The following SMARCAL1 variants were observed in gnomAD, a reference collection of about 807,000 sequenced individuals.
SMARCAL1 encodes the protein SNF2 related chromatin remodeling annealing helicase 1, also known as ATP-driven annealing helicase.
A neutral mutation model predicts 94.5 loss-of-function variants in SMARCAL1; 58 were observed. The ratio of observed to expected loss-of-function variants is 0.61; its 90% CI spans 0.50 to 0.76. The LOEUF (loss-of-function observed/expected upper bound fraction) is 0.76, where lower values mean the gene tolerates loss of function less well. Ranked by LOEUF, SMARCAL1 falls within the 30% of genes least tolerant of loss-of-function variation. SMARCAL1 has a pLI of 0.00. For synonymous variants in SMARCAL1, 422 were observed against 455.1 expected, an observed-to-expected ratio of 0.93 and a Z score of 0.93; for missense variants, 1,051 against 1,177.9, an observed-to-expected ratio of 0.89 and a Z score of 1.58.
At chr2:216,481,020 AG>A (rs1695183832) in intron 17 of SMARCAL1, among the ~76,000 whole-genome samples, 1 of 152,036 alleles carries the variant, frequency 6.6e-6, no homozygotes, top group Non-Finnish European at 1.5e-5. Flanking sequence ...AGGAGAGAGG[AG>A]GGAACTAATG....
rs1390706795 is a variant in SMARCAL1 at position 216,475,964 on chromosome 2, G to A, written c.2427+513G>A. ...ACTGCCATAACTGAAGAGGGCACTT[G>A]GTGGCACCAGGTTGCAGCCCAGGCC... On this transcript the variant is annotated intron_variant, in intron 15 of 17. Transcript: ENST00000357276. This position sits in a 1 kb window ranked among gnomAD's most constrained non-coding sequence, Gnocchi z 4.4. Among the ~76,000 whole-genome samples, 1 of 151,804 alleles carries A rather than the reference G, an allele frequency of 6.6e-6. No individual in the cohort carries two copies. Among genetic ancestry groups the A allele is most frequent in the African/African-American group, 2.4e-5 (1 of 41,334 alleles).
At chr2:216,413,152 AG>A (rs1220717500) in intron 1 of SMARCAL1, among the ~76,000 whole-genome samples, 5 of 4,478 alleles carry the variant, frequency 1.1e-3, no homozygotes, top group African/African-American at 4.3e-3. Flanking sequence ...GTGGTGGGGG[AG>A]GGGGGAGGGG....
intron 4 of SMARCAL1, 92 bp downstream of exon 4, chr2:216,416,399 C>A (rs1321670056): frequency 2.7e-6 from 3 of 1,109,828 alleles, no homozygotes; most frequent in Non-Finnish European, 4.1e-6. Flanking sequence ...GAGTGCATGG[C>A]TTTACAGGTG....
intron 10 of SMARCAL1, among the ~76,000 whole-genome samples, chr2:216,441,416 C>T (rs1694194121): frequency 1.3e-5 from 2 of 152,060 alleles, no homozygotes; most frequent in African/African-American, 4.8e-5. Context: ...CAGATAGAAG[C>T]TAAAAAGAAC....
chr2:216,446,351 G>T (rs1694314778), intron 10 of SMARCAL1, among the ~76,000 whole-genome samples: 1 of 152,238 alleles, frequency 6.6e-6, no homozygotes, highest in South Asian at 2.1e-4. Flanking sequence ...GTTAATAACT[G>T]CAAAATGAGC....
intron 6 of SMARCAL1, among the ~76,000 whole-genome samples, chr2:216,424,977 G>A (rs1411535290): frequency 2.0e-5 from 3 of 152,126 alleles, no homozygotes; most frequent in Non-Finnish European, 2.9e-5. Context: ...GGAGTGCAGT[G>A]GCATGATCTC....
intron 14 of SMARCAL1, among the ~76,000 whole-genome samples, chr2:216,472,393 T>C (rs987814086): frequency 6.6e-6 from 1 of 151,952 alleles, no homozygotes; most frequent in African/African-American, 2.4e-5. Flanking sequence ...AAAATAGTCA[T>C]CCATAGAAAA....
intron 5 of SMARCAL1, 135 bp downstream of exon 5, chr2:216,420,667 A>G (rs1693700464): frequency 1.3e-6 from 1 of 744,810 alleles, no homozygotes; most frequent in African/African-American, 1.7e-5. Context: ...CTCTTCCTAT[A>G]GAAAGATGAC....
intron 12 of SMARCAL1, among the ~76,000 whole-genome samples, chr2:216,462,000 T>C (rs1336956948): frequency 6.6e-6 from 1 of 152,202 alleles, no homozygotes; most frequent in Non-Finnish European, 1.5e-5. Flanking sequence ...CACATGCAAT[T>C]TTATAATGAG....
At chr2:216,424,089 A>G (rs755952155) in intron 6 of SMARCAL1, among the ~76,000 whole-genome samples, 2 of 152,224 alleles carry the variant, frequency 1.3e-5, no homozygotes, top group African/African-American at 2.4e-5. Flanking sequence ...GGATGGGATG[A>G]TCAAGAAAGA....
At position 216,447,095 on chromosome 2, in the gene SMARCAL1, A is replaced by C. The variant is rs1310854428; in HGVS notation, c.1788A>C (p.Ala596=). The change falls in exon 11 of 18, where the codon GCA becomes GCC. Residue 596 remains alanine, a synonymous_variant. Transcript: ENST00000357276. ...RPAELYTQII[A]VKPTFFPQFH... ...CAGAGCTCTACACGCAGATCATCGC[A>C]GTCAAGCCAACTTTCTTCCCCCAGT... is the stretch of plus-strand genomic sequence containing the variant. The C allele has an allele frequency of 6.2e-7, 1 of 1,614,022 alleles. No homozygotes were observed.
At chr2:216,474,636 T>C (rs1377128775) in intron 14 of SMARCAL1, among the ~76,000 whole-genome samples, 2 of 151,774 alleles carry the variant, frequency 1.3e-5, no homozygotes, top group Non-Finnish European at 2.9e-5. Flanking sequence ...GCGCCTGTAA[T>C]CCCACCTAGT....
chr2:216,432,581 G>A, intron 7 of SMARCAL1, 137 bp from the exon 8 acceptor site: 1 of 959,982 alleles, frequency 1.0e-6, no homozygotes, highest in Non-Finnish European at 1.6e-6. Context: ...TTCCTTCTGG[G>A]GAGCAAGTCT....
Position 216,482,639 on chromosome 2 carries a change from T to G in SMARCAL1, c.2626-99T>G. 1 of 1,525,294 alleles carries G rather than the reference T, an allele frequency of 6.6e-7. No individual in the cohort carries two copies. Among genetic ancestry groups the G allele is most frequent in the Non-Finnish European group, 9.1e-7 (1 of 1,101,302 alleles). The allele number at this position is 1,525,294 out of a possible 1,614,324, so 94.5% of individuals were successfully genotyped here. A position where few individuals can be genotyped will look rare whatever the true frequency, so the allele number is the denominator to read the frequency against. On this transcript the variant is annotated intron_variant, in intron 17 of 17. Transcript: ENST00000357276. The surrounding 1 kb of genome is among the most constrained non-coding windows in gnomAD (Gnocchi z 4.3). ...CTCCCTGACACCATGAAATGTGTGG[T>G]CTCTCATCTTTATATTCTCTCATCA...
Position 216,420,398 on chromosome 2 carries a change from G to A in SMARCAL1, c.962G>A (p.Gly321Asp), listed in dbSNP as rs148752234. 121 of 1,614,142 alleles carry A rather than the reference G, an allele frequency of 7.5e-5. 1 individual carries two copies. In the African/African-American group the frequency reaches 1.4e-3, roughly 19 times the overall value. The change falls in exon 5 of 18, where the codon GGC becomes GAC. Residue 321 changes from glycine to aspartate, a missense_variant. Gly to Asp is a moderately conservative substitution (Grantham distance 94, BLOSUM62 -1). Around this residue, in one of 3 missense-constraint regions of SMARCAL1, gnomAD observed 398 missense variants for 395.2 expected, o/e 1.01. Coordinates refer to ENST00000357276, the MANE Select transcript of SMARCAL1 (RefSeq NM_014140.4). ...TCCACCAGCAGTGAGGGACAGGCCG[G>A]CCTTCCATCAGCTCCATCCCTTTCA... The part of the protein sequence containing the change: ...SPSTSSEGQA[G>D]LPSAPSLSFV...
intron 14 of SMARCAL1, among the ~76,000 whole-genome samples, chr2:216,474,128 C>CTTTTTTTTTTTTTTTTTTTTT (rs1182416023): frequency 4.6e-5 from 3 of 64,926 alleles, no homozygotes; most frequent in African/African-American, 1.7e-4. Flanking sequence ...GTATAGCATT[C>CTTTTTTTTTTTTTTTTTTTTT]TTTTTTTTTT....
intron 6 of SMARCAL1, among the ~76,000 whole-genome samples, chr2:216,428,081 A>G (rs933168324): frequency 2.6e-5 from 4 of 152,194 alleles, no homozygotes; most frequent in Non-Finnish European, 2.9e-5. Context: ...TACTCTTCTA[A>G]TTAGATTTTT....
intron 12 of SMARCAL1, among the ~76,000 whole-genome samples, chr2:216,460,037 A>C (rs551842121): frequency 6.6e-6 from 1 of 152,250 alleles, no homozygotes; most frequent in East Asian, 1.9e-4. Context: ...ATATGAACAG[A>C]CACTTCTCAA....
chr2:216,414,785 G>A lies in SMARCAL1; in HGVS notation c.81G>A (p.Lys27=), dbSNP rs1289419576. 2.5e-6 allele frequency: 4 copies of A among 1,614,210 alleles called. No individual in the cohort carries two copies. The South Asian group carries it at 3.3e-5, about 13-fold the overall frequency. The stretch of plus-strand genomic sequence containing the variant: ...AGGCTCTGGCCCGCAGAGCTGAGAA[G>A]TTATTGGCAGAACAGCATCAGAGGA... ...RQKALARRAE[K]LLAEQHQRTS... Residue 27 remains lysine, a synonymous_variant, in exon 3 of 18, where the codon AAG becomes AAA. Transcript: ENST00000357276.
Sources: allele counts gnomAD v4.1 joint callset (sites outside exome capture counted in the v4.1 genomes callset), GRCh38; gene constraint gnomAD v4.1.1; regional missense constraint gnomAD v4.1.1; non-coding constraint Gnocchi (gnomAD v3.1); transcripts MANE v1.5; gene names NCBI Gene and HGNC (gene_info 2026-07-23, HGNC 2026-07-21).